Variants in SGCD observed in about 807,000 individuals in gnomAD.
The protein encoded by SGCD is sarcoglycan delta, also known as delta-sarcoglycan.
SGCD carries 18 observed loss-of-function variants against 36.6 expected under a neutral mutation model. That is an observed-to-expected ratio of 0.49 (90% CI 0.34 to 0.73). The LOEUF (loss-of-function observed/expected upper bound fraction) is 0.73, where lower values mean the gene tolerates loss of function less well. SGCD is among the 30% of genes least tolerant of loss of function. The pLI, the probability that SGCD is intolerant of heterozygous loss-of-function variation, is 0.01. For synonymous variants in SGCD, 133 were observed against 130.6 expected, an observed-to-expected ratio of 1.02 and a Z score of -0.12; for missense variants, 387 against 346.7, an observed-to-expected ratio of 1.12 and a Z score of -0.92.
rs1756954126 is a variant in SGCD at position 155,924,496 on chromosome 5, C to T, written c.-282+54072C>T. 7.2e-5 allele frequency among the ~76,000 whole-genome samples: 11 copies of T among 152,236 alleles called. No individual in the cohort carries two copies. The South Asian group carries it at 1.7e-3, about 23-fold the overall frequency. On this transcript the variant is annotated intron_variant, in intron 1 of 9. Coordinates refer to the SGCD transcript ENST00000517913. ...GGAAGGAAAGCCCAGAGATGGTCTT[C>T]GATCTTAAAGAGCATGGCGTATAGT... is the stretch of plus-strand genomic sequence containing the variant.
At chr5:155,954,687 A>G (rs1448253671) in intron 1 of SGCD, among the ~76,000 whole-genome samples, 2 of 151,162 alleles carry the variant, frequency 1.3e-5, no homozygotes, top group South Asian at 2.1e-4. Flanking sequence ...ACTTTGTTCT[A>G]TCAGTAAAGG....
At chr5:156,398,150 C>T (rs62380750) in intron 3 of SGCD, among the ~76,000 whole-genome samples, 40,903 of 152,132 alleles carry the variant, frequency 0.27, 6,476 homozygotes, top group Middle Eastern at 0.5. Flanking sequence ...GTGTCATCTG[C>T]GAGACCTGAC....
intron 3 of SGCD, among the ~76,000 whole-genome samples, chr5:156,377,544 C>A (rs1770734727): frequency 6.6e-6 from 1 of 152,112 alleles, no homozygotes; most frequent in African/African-American, 2.4e-5. Flanking sequence ...CTGTCTTGGT[C>A]ACTGCTGAAT....
intron 4 of SGCD, among the ~76,000 whole-genome samples, chr5:156,547,572 A>G (rs1159994108): frequency 6.6e-6 from 1 of 151,846 alleles, no homozygotes; most frequent in East Asian, 1.9e-4. Context: ...CCTCTCAAGT[A>G]GCTGGGACTA....
intron 3 of SGCD, among the ~76,000 whole-genome samples, chr5:156,162,603 A>G (rs1462886255): frequency 6.6e-6 from 1 of 151,416 alleles, no homozygotes; most frequent in Non-Finnish European, 1.5e-5. Context: ...TTCTGAAGAG[A>G]TGGTGCATTG....
intron 3 of SGCD, among the ~76,000 whole-genome samples, chr5:156,413,218 G>A (rs1340664424): frequency 6.6e-6 from 1 of 152,234 alleles, no homozygotes; most frequent in Non-Finnish European, 1.5e-5. Context: ...CAGGTACTGA[G>A]ATGGAGAGCA....
chr5:156,104,807 A>T (rs1410791066), intron 1 of SGCD, among the ~76,000 whole-genome samples: 1 of 152,210 alleles, frequency 6.6e-6, no homozygotes, highest in Non-Finnish European at 1.5e-5. Flanking sequence ...CAAATTTTTC[A>T]AATCTTCTTA....
intron 3 of SGCD, among the ~76,000 whole-genome samples, chr5:156,461,880 G>A (rs1017396088): frequency 1.3e-5 from 2 of 152,106 alleles, no homozygotes; most frequent in East Asian, 3.8e-4. Context: ...ATTGCCTCTA[G>A]TGCTGTATAT....
At chr5:155,797,616 A>G in the SGCD span, among the ~76,000 whole-genome samples, 2 of 152,184 alleles carry the variant, frequency 1.3e-5, no homozygotes, top group Admixed American at 1.3e-4. Context: ...ACAACTGGAA[A>G]GTATATTCAT....
At chr5:156,635,026 C>T in intron 6 of SGCD, among the ~76,000 whole-genome samples, 1 of 151,634 alleles carries the variant, frequency 6.6e-6, no homozygotes. Context: ...AGTTCAAGAC[C>T]AGCCTGGGCA....
At chr5:156,541,900 A>G (rs1758361541) in intron 4 of SGCD, among the ~76,000 whole-genome samples, 2 of 152,142 alleles carry the variant, frequency 1.3e-5, no homozygotes. Context: ...TCTTCCCCAC[A>G]ACATTATACT....
At position 156,163,928 on chromosome 5, in the gene SGCD, C is replaced by T. The variant is rs7703516; in HGVS notation, c.-44+39909C>T. ...GTCCCAGCTACTCGGGAGGCTGAGG[C>T]AGGAGAATGGTGTGAACCCAGGAGG... is the stretch of plus-strand genomic sequence containing the variant. On this transcript the variant is annotated intron_variant, in intron 3 of 9. Coordinates refer to the SGCD transcript ENST00000517913. Among the ~76,000 whole-genome samples the T allele has an allele frequency of 1.5e-4, 22 of 147,874 alleles. 1 individual carries two copies. The South Asian group carries it at 1.9e-3, about 13-fold the overall frequency.
chr5:156,274,296 T>C (rs926546017), intron 3 of SGCD, among the ~76,000 whole-genome samples: 2 of 152,106 alleles, frequency 1.3e-5, no homozygotes, highest in African/African-American at 4.8e-5. Context: ...CAAGAGGTTG[T>C]CATGGTTTGT....
chr5:156,110,171 G>A (rs1280644473), intron 1 of SGCD, among the ~76,000 whole-genome samples: 1 of 152,140 alleles, frequency 6.6e-6, no homozygotes, highest in African/African-American at 2.4e-5. Context: ...TCAAATCTCA[G>A]CCCTGCTGCC....
At chr5:156,045,194 C>T (rs1456544720) in intron 1 of SGCD, among the ~76,000 whole-genome samples, 3 of 152,150 alleles carry the variant, frequency 2.0e-5, no homozygotes, top group Non-Finnish European at 2.9e-5. Flanking sequence ...ACCTAATCAC[C>T]TCTTAAAAAT....
chr5:156,220,989 T>C lies in SGCD; in HGVS notation c.-44+96970T>C, dbSNP rs377546751. Reference sequence around the variant, plus strand: ...GTCACAAACAGGAGCATTTTAGTTATTCTCTTGTCAGGAAAAAACAAAGCT... The same window carrying C: ...GTCACAAACAGGAGCATTTTAGTTACTCTCTTGTCAGGAAAAAACAAAGCT... On this transcript the variant is annotated intron_variant, in intron 3 of 9. Transcript: ENST00000517913. Among the ~76,000 whole-genome samples, 467 of 152,276 alleles carry C rather than the reference T, an allele frequency of 3.1e-3. 11 individuals carry two copies. In the South Asian group the frequency reaches 0.038, roughly 13 times the overall value.
chr5:156,419,161 A>G (rs949494007), intron 3 of SGCD, among the ~76,000 whole-genome samples: 1 of 152,210 alleles, frequency 6.6e-6, no homozygotes, highest in Admixed American at 6.5e-5. Context: ...TTATATATGC[A>G]TCTTGAGTAT....
At chr5:155,823,062 A>ATATCTCTATATCTATCTATC in the SGCD span, among the ~76,000 whole-genome samples, 222 of 145,272 alleles carry the variant, frequency 1.5e-3, 1 homozygote, top group Middle Eastern at 3.5e-3. Context: ...CTATATCTCT[A>ATATCTCTATATCTATCTATC]TATCTATCTA....
chr5:156,302,499 C>A (rs1055869979), intron 3 of SGCD, among the ~76,000 whole-genome samples: 2 of 152,080 alleles, frequency 1.3e-5, no homozygotes. Flanking sequence ...TCTCTCACTC[C>A]TAGATTGGCC....
Sources: gnomAD v4.1 joint callset for allele counts (sites outside exome capture counted in the v4.1 genomes callset) on GRCh38, gnomAD v4.1.1 for gene constraint, MANE v1.5 for transcripts, NCBI Gene and HGNC (gene_info 2026-07-23, HGNC 2026-07-21) for gene names.